SEMA5A: variants seen among roughly 807,000 people sequenced by gnomAD.
SEMA5A encodes the protein semaphorin-5A.
A neutral mutation model predicts 135.5 loss-of-function variants in SEMA5A; 55 were observed. That is an observed-to-expected ratio of 0.41 (90% CI 0.33 to 0.51). SEMA5A has a LOEUF of 0.51. Among genes scored for constraint, SEMA5A ranks in the 20% least tolerant of loss-of-function variants. The pLI, the probability that SEMA5A is intolerant of heterozygous loss-of-function variation, is 0.37. For synonymous variants in SEMA5A, 580 were observed against 546.5 expected (o/e 1.06, Z -0.85); for missense variants, 1,290 against 1,419.9 (o/e 0.91, Z 1.47).
rs762697893 is a variant in SEMA5A at position 9,054,284 on chromosome 5, C to A, written c.2519-27G>T. ...TGTGAAGAAACACAATGTCACAGCTCTTCTATAATCCAATCCCAACCAAGT... is the reference window on the plus strand; with the variant it reads ...TGTGAAGAAACACAATGTCACAGCTATTCTATAATCCAATCCCAACCAAGT... On this transcript the variant is annotated intron_variant, in intron 18 of 22. Transcript: ENST00000382496. 8 of 1,602,082 alleles carry A rather than the reference C, an allele frequency of 5.0e-6. No homozygotes were observed. In the African/African-American group the frequency reaches 9.4e-5, roughly 19 times the overall value.
At chr5:9,161,726 C>T (rs1044476226) in intron 11 of SEMA5A, among the ~76,000 whole-genome samples, 12 of 152,172 alleles carry the variant, frequency 7.9e-5, no homozygotes, top group African/African-American at 2.2e-4. Context: ...AGAGACAAGT[C>T]CAAACCCACA....
At chr5:9,340,869 A>G (rs1418388835) in intron 3 of SEMA5A, among the ~76,000 whole-genome samples, 2 of 152,174 alleles carry the variant, frequency 1.3e-5, no homozygotes, top group Non-Finnish European at 2.9e-5. Context: ...ACTAAAAAGA[A>G]GCCTGCACCA....
intron 3 of SEMA5A, among the ~76,000 whole-genome samples, chr5:9,372,944 C>T (rs1409608081): frequency 6.6e-6 from 1 of 152,174 alleles, no homozygotes; most frequent in Non-Finnish European, 1.5e-5. Flanking sequence ...GCAGGCTGAG[C>T]AATGCCAGTG....
intron 1 of SEMA5A, among the ~76,000 whole-genome samples, chr5:9,507,158 T>A (rs1162893592): frequency 6.6e-6 from 1 of 152,226 alleles, no homozygotes; most frequent in Admixed American, 6.5e-5. Flanking sequence ...CTCACTGTAA[T>A]AAAGAAGCAC....
chr5:9,052,076 C>A, intron 19 of SEMA5A, 48 bp from the exon 20 acceptor site: 2 of 1,506,854 alleles, frequency 1.3e-6, no homozygotes, highest in South Asian at 1.3e-5. Flanking sequence ...CCAGTAAGCT[C>A]AATCATCCTA....
chr5:9,501,442 A>G (rs1327477689), intron 1 of SEMA5A, among the ~76,000 whole-genome samples: 1 of 152,234 alleles, frequency 6.6e-6, no homozygotes, highest in African/African-American at 2.4e-5. Context: ...ATATAAAAAC[A>G]TACACACACA....
intron 2 of SEMA5A, among the ~76,000 whole-genome samples, chr5:9,412,553 T>A (rs1470625890): frequency 6.7e-6 from 1 of 149,948 alleles, no homozygotes; most frequent in Non-Finnish European, 1.5e-5. Flanking sequence ...GAATCTCTTA[T>A]CTGAAATGCT....
intron 11 of SEMA5A, among the ~76,000 whole-genome samples, chr5:9,170,262 G>A (rs1194734142): frequency 6.6e-6 from 1 of 152,148 alleles, no homozygotes; most frequent in East Asian, 1.9e-4. Context: ...AATGTGGAAT[G>A]AAAAATACAT....
chr5:9,163,949 T>C (rs1162764506), intron 11 of SEMA5A, among the ~76,000 whole-genome samples: 1 of 147,554 alleles, frequency 6.8e-6, no homozygotes, highest in Non-Finnish European at 1.5e-5. Flanking sequence ...GGTACTTTGT[T>C]ATGGCAGTCC....
At chr5:9,504,800 G>A (rs1442001176) in intron 1 of SEMA5A, among the ~76,000 whole-genome samples, 1 of 152,242 alleles carries the variant, frequency 6.6e-6, no homozygotes, top group Non-Finnish European at 1.5e-5. Context: ...CACATTGACA[G>A]CAACACTGCC....
intron 2 of SEMA5A, among the ~76,000 whole-genome samples, chr5:9,410,207 T>TG (rs1757053891): frequency 6.6e-6 from 1 of 152,134 alleles, no homozygotes; most frequent in East Asian, 1.9e-4. Context: ...AAAAATCATA[T>TG]GATCATGTAG....
intron 16 of SEMA5A, among the ~76,000 whole-genome samples, chr5:9,073,009 G>T (rs964380302): frequency 1.3e-5 from 2 of 152,138 alleles, no homozygotes; most frequent in African/African-American, 4.8e-5. Flanking sequence ...AGATAAGGAA[G>T]AAACAACTTG....
intron 1 of SEMA5A, among the ~76,000 whole-genome samples, chr5:9,499,751 G>T (rs1246175168): frequency 6.6e-6 from 1 of 152,154 alleles, no homozygotes; most frequent in South Asian, 2.1e-4. Flanking sequence ...TCTATACACA[G>T]ATATTGCTGT....
chr5:9,154,055 AAAAAAAAATAT>A (rs1742787259), intron 12 of SEMA5A, among the ~76,000 whole-genome samples: 1 of 46,864 alleles, frequency 2.1e-5, no homozygotes, highest in South Asian at 8.2e-4. Context: ...CAAAAAAAAA[AAAAAAAAATAT>A]ATATATATAT....
intron 13 of SEMA5A, among the ~76,000 whole-genome samples, chr5:9,133,518 C>T (rs1045967174): frequency 1.3e-5 from 2 of 152,130 alleles, no homozygotes; most frequent in Non-Finnish European, 2.9e-5. Flanking sequence ...AATACCCTGT[C>T]ATCAGAAGAA....
At chr5:9,151,601 G>A (rs1742639706) in intron 12 of SEMA5A, among the ~76,000 whole-genome samples, 1 of 152,044 alleles carries the variant, frequency 6.6e-6, no homozygotes, top group African/African-American at 2.4e-5. Flanking sequence ...ATGTTAACTA[G>A]GGAGGGTTTC....
At chr5:9,497,142 T>C (rs1324509721) in intron 1 of SEMA5A, among the ~76,000 whole-genome samples, 1 of 152,164 alleles carries the variant, frequency 6.6e-6, no homozygotes, top group Non-Finnish European at 1.5e-5. Context: ...ATGGTATTTC[T>C]CTCAGAAACA....
At chr5:9,190,133 C>A in intron 11 of SEMA5A, 134 bp downstream of exon 11, 1 of 797,710 alleles carries the variant, frequency 1.3e-6, no homozygotes, top group Non-Finnish European at 2.0e-6. Context: ...AAGTGAGCAT[C>A]GCGGGTTTTG....
rs1263079777 is a variant in SEMA5A at position 9,059,170 on chromosome 5, TC to T, written c.2518+3716del. Among the ~76,000 whole-genome samples, 7 of 144,692 alleles carry T rather than the reference TC, an allele frequency of 4.8e-5. No individual in the cohort carries two copies. In the South Asian group the frequency reaches 1.3e-3, roughly 26 times the overall value. 94.9% of individuals were successfully genotyped at this position (144,692 alleles called of 152,430 possible). Reference sequence around the variant, plus strand: ...TTAGGTTTTTACCTTCATTTTCTTTTCTTTTTTTTTTTTATACTTTAAGTTT... The same window carrying T: ...TTAGGTTTTTACCTTCATTTTCTTTTTTTTTTTTTTTTATACTTTAAGTTT... On this transcript the variant is annotated intron_variant, in intron 18 of 22. Coordinates refer to ENST00000382496, the MANE Select transcript of SEMA5A (RefSeq NM_003966.3).
Sources: gnomAD v4.1 joint callset for allele counts (sites outside exome capture counted in the v4.1 genomes callset) on GRCh38, gnomAD v4.1.1 for gene constraint, MANE v1.5 for transcripts, NCBI Gene and HGNC (gene_info 2026-07-23, HGNC 2026-07-21) for gene names.